The following CAMK1D variants were observed in gnomAD, a reference collection of about 807,000 sequenced individuals.
CAMK1D encodes the protein calcium/calmodulin dependent protein kinase ID, also known as calcium/calmodulin-dependent protein kinase type 1D.
Under a neutral mutation model 47.7 loss-of-function variants are expected in CAMK1D, and 9 were observed. The observed-to-expected ratio is 0.19, with a 90% confidence interval of 0.11 to 0.33. CAMK1D has a LOEUF of 0.33. Among genes scored for constraint, CAMK1D ranks in the 10% least tolerant of loss-of-function variants. The pLI, the probability that CAMK1D is intolerant of heterozygous loss-of-function variation, is 1.00. For missense variants in CAMK1D, 291 were observed against 488.7 expected, an observed-to-expected ratio of 0.60 and a Z score of 3.81; for synonymous variants, 184 against 184.9, an observed-to-expected ratio of 0.99 and a Z score of 0.04.
intron 1 of CAMK1D, among the ~76,000 whole-genome samples, chr10:12,486,691 C>T (rs12780783): frequency 0.15 from 23,567 of 152,236 alleles, 1,946 homozygotes; most frequent in Non-Finnish European, 0.18. Flanking sequence ...GAAGCAGAGC[C>T]GTGGAATTTG....
rs576831893 is a variant in CAMK1D, at chr10:12,461,645, T to C, written c.93-91580T>C. Among the ~76,000 whole-genome samples, 128 of 140,548 alleles carry C rather than the reference T, an allele frequency of 9.1e-4. 1 individual carries two copies. The highest frequency in any genetic ancestry group is 6.0e-3 in the Admixed American group (78 of 13,046). The allele number at this position is 140,548 out of a possible 152,430, so 92.2% of individuals were successfully genotyped here. ...TGGAGGTTGCAGTGAGCTGAGATCA[T>C]GCTATTGCAATCCAGCCTGGTGACA... is the stretch of plus-strand genomic sequence containing the variant. On this transcript the variant is annotated intron_variant, in intron 1 of 10. Transcript: ENST00000619168.
intron 2 of CAMK1D, among the ~76,000 whole-genome samples, chr10:12,625,570 A>G (rs114009264): frequency 1.3e-5 from 2 of 150,898 alleles, no homozygotes; most frequent in Non-Finnish European, 3.0e-5. Flanking sequence ...GGCTCAAACA[A>G]TCCTCTCGCC....
intron 2 of CAMK1D, among the ~76,000 whole-genome samples, chr10:12,572,116 G>T (rs1002584350): frequency 1.7e-4 from 26 of 149,220 alleles, no homozygotes; most frequent in Middle Eastern, 3.6e-3. Flanking sequence ...CAGTTTTGTT[G>T]TCACTTTTTC....
chr10:12,547,719 A>G (rs189687634), intron 1 of CAMK1D, among the ~76,000 whole-genome samples: 2 of 124,810 alleles, frequency 1.6e-5, no homozygotes, highest in East Asian at 2.4e-4. Flanking sequence ...TTATGTAATT[A>G]CATAGAAAGT....
At chr10:12,465,873 C>T (rs1296151438) in intron 1 of CAMK1D, among the ~76,000 whole-genome samples, 2 of 152,200 alleles carry the variant, frequency 1.3e-5, no homozygotes, top group Non-Finnish European at 2.9e-5. Context: ...GACCCATACT[C>T]TCTCTTTCTC....
intron 1 of CAMK1D, among the ~76,000 whole-genome samples, chr10:12,526,310 G>A (rs1293353094): frequency 5.9e-5 from 9 of 152,184 alleles, no homozygotes; most frequent in East Asian, 5.8e-4. Flanking sequence ...TGGGACTTAC[G>A]TGGTTCTTCA....
At chr10:12,779,164 T>C (rs1176534250) in intron 5 of CAMK1D, among the ~76,000 whole-genome samples, 1 of 152,160 alleles carries the variant, frequency 6.6e-6, no homozygotes. Flanking sequence ...CAGGATACCA[T>C]GGTGGCTCTC....
chr10:12,498,871 G>A (rs1834619244), intron 1 of CAMK1D, among the ~76,000 whole-genome samples: 1 of 152,136 alleles, frequency 6.6e-6, no homozygotes, highest in South Asian at 2.1e-4. Context: ...AGGTAATGAA[G>A]AGAAGCAATA....
intron 1 of CAMK1D, among the ~76,000 whole-genome samples, chr10:12,399,376 C>T (rs181145058): frequency 0.012 from 1,753 of 152,080 alleles, 10 homozygotes; most frequent in Non-Finnish European, 0.017. Flanking sequence ...TGGTGGCAGG[C>T]GCCTGTAATC....
intron 2 of CAMK1D, among the ~76,000 whole-genome samples, chr10:12,566,574 A>G (rs1286469556): frequency 6.6e-6 from 1 of 152,228 alleles, no homozygotes; most frequent in Non-Finnish European, 1.5e-5. Flanking sequence ...CCAGTTCTCT[A>G]GACTTTCAGA....
intron 3 of CAMK1D, among the ~76,000 whole-genome samples, chr10:12,749,187 A>T (rs567576578): frequency 6.6e-6 from 1 of 152,242 alleles, no homozygotes; most frequent in Non-Finnish European, 1.5e-5. Flanking sequence ...ATTTCAGGAC[A>T]GTAATTCACA....
At chr10:12,726,671 C>A (rs1228004826) in intron 3 of CAMK1D, among the ~76,000 whole-genome samples, 2 of 152,202 alleles carry the variant, frequency 1.3e-5, no homozygotes, top group Non-Finnish European at 2.9e-5. Flanking sequence ...TCATTAAATT[C>A]TCACACTAGT....
In CAMK1D at chr10:12,518,996, C is replaced by T. The variant is rs551776503; in HGVS notation, c.93-34229C>T. ...TCATCATGGCCCATCCCCAATGAGCCGCTGGGCACACCTCCCAGACGGGGT... is the reference window on the plus strand; with the variant it reads ...TCATCATGGCCCATCCCCAATGAGCTGCTGGGCACACCTCCCAGACGGGGT... On this transcript the variant is annotated intron_variant, in intron 1 of 10. Transcript: ENST00000619168. Among the ~76,000 whole-genome samples, 71 of 120,450 alleles carry T rather than the reference C, an allele frequency of 5.9e-4. 3 individuals are homozygous for T. Among genetic ancestry groups the T allele is most frequent in the Non-Finnish European group, 6.6e-4 (36 of 54,898 alleles). The allele number at this position is 120,450 out of a possible 152,430, so 79.0% of individuals were successfully genotyped here.
At chr10:12,473,365 T>G (rs12264883) in intron 1 of CAMK1D, among the ~76,000 whole-genome samples, 19,403 of 151,360 alleles carry the variant, frequency 0.13, 1,542 homozygotes, top group Non-Finnish European at 0.19. Flanking sequence ...ACTTGGGAGG[T>G]GGAAGTTGCA....
At chr10:12,528,754 T>G (rs1835708585) in intron 1 of CAMK1D, among the ~76,000 whole-genome samples, 1 of 149,998 alleles carries the variant, frequency 6.7e-6, no homozygotes, top group Non-Finnish European at 1.5e-5. Context: ...TTTTTTTTTC[T>G]TTTTGGAGTC....
chr10:12,467,163 T>G (rs2132066937), intron 1 of CAMK1D, among the ~76,000 whole-genome samples: 1 of 152,220 alleles, frequency 6.6e-6, no homozygotes, highest in Admixed American at 6.5e-5. Flanking sequence ...CATGTTTTCT[T>G]TTTTATTGAC....
At chr10:12,603,939 G>A (rs1838377206) in intron 2 of CAMK1D, among the ~76,000 whole-genome samples, 1 of 152,108 alleles carries the variant, frequency 6.6e-6, no homozygotes, top group Admixed American at 6.6e-5. Context: ...GGAGTTTGCA[G>A]CACCTGCCTA....
chr10:12,513,075 G>GGA lies in CAMK1D; in HGVS notation c.93-40149_93-40148dup, dbSNP rs1488938857. On this transcript the variant is annotated intron_variant, in intron 1 of 10. Coordinates refer to ENST00000619168, the MANE Select transcript of CAMK1D (RefSeq NM_153498.4). ...GCTCAGAAGAGGAAATTCTGAAAGG[G>GGA]GATCCGTCTTTGTCATATTCCCTGA... is the stretch of plus-strand genomic sequence containing the variant. 9.2e-5 allele frequency among the ~76,000 whole-genome samples: 14 copies of GGA among 152,264 alleles called. No homozygotes were observed. In the South Asian group the frequency reaches 2.9e-3, roughly 32 times the overall value.
intron 1 of CAMK1D, among the ~76,000 whole-genome samples, chr10:12,482,841 C>G (rs1397699647): frequency 6.6e-6 from 1 of 152,194 alleles, no homozygotes; most frequent in Admixed American, 6.5e-5. Flanking sequence ...TCCTTGTTCA[C>G]AGCCGCGCTT....
Sources: gnomAD v4.1 joint callset for allele counts (sites outside exome capture counted in the v4.1 genomes callset) on GRCh38, gnomAD v4.1.1 for gene constraint, MANE v1.5 for transcripts, NCBI Gene and HGNC (gene_info 2026-07-23, HGNC 2026-07-21) for gene names.